The following PDE4D variants were observed in gnomAD, a reference collection of about 807,000 sequenced individuals.
PDE4D encodes the protein phosphodiesterase 4D.
Under a neutral mutation model 87.4 loss-of-function variants are expected in PDE4D, and 24 were observed. The ratio of observed to expected loss-of-function variants is 0.27; its 90% confidence interval spans 0.20 to 0.39. The LOEUF (loss-of-function observed/expected upper bound fraction) is 0.39. PDE4D is among the 10% of genes least tolerant of loss of function. The pLI, the probability that PDE4D is intolerant of heterozygous loss-of-function variation, is 1.00. For synonymous variants in PDE4D, 384 were observed against 383.2 expected, an observed-to-expected ratio of 1.00 and a Z score of -0.02; for missense variants, 714 against 1,041.0, an observed-to-expected ratio of 0.69 and a Z score of 4.32.
intron 1 of PDE4D, among the ~76,000 whole-genome samples, chr5:59,354,709 T>C (rs1173103920): frequency 6.6e-6 from 1 of 152,196 alleles, no homozygotes; most frequent in South Asian, 2.1e-4. Flanking sequence ...CCCTAACCCT[T>C]CCACTCAATT....
At chr5:59,295,535 T>C (rs933395798) in intron 1 of PDE4D, among the ~76,000 whole-genome samples, 5 of 152,164 alleles carry the variant, frequency 3.3e-5, no homozygotes, top group African/African-American at 7.2e-5. Context: ...TTGCCTCTGC[T>C]AGCCTGCCTA....
intron 1 of PDE4D, among the ~76,000 whole-genome samples, chr5:59,496,752 C>T (rs1053645215): frequency 6.6e-6 from 1 of 152,154 alleles, no homozygotes; most frequent in African/African-American, 2.4e-5. Flanking sequence ...AAGGGGTCAT[C>T]GCTCACCTCT....
At chr5:59,994,366 G>A (rs1763320116) in intron 2 of PDE4D, among the ~76,000 whole-genome samples, 1 of 151,160 alleles carries the variant, frequency 6.6e-6, no homozygotes, top group Non-Finnish European at 1.5e-5. Flanking sequence ...ACATACATAT[G>A]TAAACATGTA....
intron 1 of PDE4D, among the ~76,000 whole-genome samples, chr5:60,509,725 T>A (rs748430450): frequency 2.6e-5 from 4 of 152,196 alleles, no homozygotes; most frequent in African/African-American, 4.8e-5. Flanking sequence ...TTTCTTGCAG[T>A]CTTCTTTCAT....
chr5:60,205,681 T>A (rs1742428447), intron 1 of PDE4D, among the ~76,000 whole-genome samples: 1 of 151,652 alleles, frequency 6.6e-6, no homozygotes, highest in South Asian at 2.1e-4. Context: ...AGGTCATGAG[T>A]TTGAGACCAA....
intron 3 of PDE4D, among the ~76,000 whole-genome samples, chr5:59,188,923 A>G (rs1219275918): frequency 6.6e-6 from 1 of 152,192 alleles, no homozygotes; most frequent in Non-Finnish European, 1.5e-5. Context: ...ATTTAAATTA[A>G]TTAAGGCTAA....
chr5:59,366,150 CT>C (rs1783023464), intron 1 of PDE4D, among the ~76,000 whole-genome samples: 1 of 151,796 alleles, frequency 6.6e-6, no homozygotes, highest in African/African-American at 2.4e-5. Flanking sequence ...TAAGAAACTG[CT>C]TCTTAACAGG....
intron 3 of PDE4D, among the ~76,000 whole-genome samples, chr5:59,950,381 G>A (rs1032002405): frequency 6.6e-6 from 1 of 151,942 alleles, no homozygotes; most frequent in Non-Finnish European, 1.5e-5. Context: ...CATATTAATA[G>A]AATTTATATT....
At chr5:59,014,067 G>A (rs1177219331) in intron 6 of PDE4D, among the ~76,000 whole-genome samples, 1 of 152,194 alleles carries the variant, frequency 6.6e-6, no homozygotes, top group African/African-American at 2.4e-5. Context: ...CTCAATAGAT[G>A]CAGAAAAGGC....
At chr5:59,061,906 C>T (rs1763181474) in intron 5 of PDE4D, among the ~76,000 whole-genome samples, 1 of 151,916 alleles carries the variant, frequency 6.6e-6, no homozygotes, top group African/African-American at 2.4e-5. Flanking sequence ...TGAGTAGAGA[C>T]CTACCACCGA....
chr5:60,360,247 A>T (rs1034209076), intron 1 of PDE4D, among the ~76,000 whole-genome samples: 8 of 152,216 alleles, frequency 5.3e-5, no homozygotes, highest in African/African-American at 1.9e-4. Context: ...CTCATATTAC[A>T]TTCTTTCTCA....
intron 1 of PDE4D, among the ~76,000 whole-genome samples, chr5:59,715,802 T>G (rs1754928338): frequency 6.6e-6 from 1 of 152,208 alleles, no homozygotes; most frequent in Admixed American, 6.5e-5. Context: ...CCTGGCTTAA[T>G]GCATAAAGTA....
At chr5:59,247,790 A>G (rs1759144059) in intron 1 of PDE4D, among the ~76,000 whole-genome samples, 2 of 151,938 alleles carry the variant, frequency 1.3e-5, no homozygotes, top group Admixed American at 1.3e-4. Context: ...CAGATTCAGG[A>G]GCCCAGCACC....
At chr5:59,214,464 T>G (rs547018443) in intron 2 of PDE4D, among the ~76,000 whole-genome samples, 2 of 152,136 alleles carry the variant, frequency 1.3e-5, no homozygotes, top group Non-Finnish European at 2.9e-5. Context: ...ATCTTTCCCT[T>G]GGGTGGAAAA....
chr5:60,240,398 A>G (rs968365534), intron 1 of PDE4D, among the ~76,000 whole-genome samples: 2 of 152,084 alleles, frequency 1.3e-5, no homozygotes, highest in African/African-American at 4.8e-5. Context: ...CCCCAGTTCC[A>G]AGGCTTGACT....
At chr5:60,267,615 C>A (rs547427680) in intron 1 of PDE4D, among the ~76,000 whole-genome samples, 1 of 152,146 alleles carries the variant, frequency 6.6e-6, no homozygotes, top group Non-Finnish European at 1.5e-5. Context: ...TATGAAAGCA[C>A]CTTGGCCAGT....
intron 1 of PDE4D, among the ~76,000 whole-genome samples, chr5:60,410,963 C>A (rs1225462510): frequency 6.6e-6 from 1 of 152,134 alleles, no homozygotes; most frequent in African/African-American, 2.4e-5. Context: ...GTACCATTAC[C>A]CCATTTTACG....
In PDE4D at chr5:59,116,031, T is replaced by C. The variant is rs77117645; in HGVS notation, c.808+64564A>G. On this transcript the variant is annotated intron_variant, in intron 5 of 14. Coordinates refer to ENST00000340635, the MANE Select transcript of PDE4D (RefSeq NM_001104631.2). ...AAAACACATTTCTTATCTCAGTCGA[T>C]GAATTAGCGTTTGCTGTAGTCCTAA... is the stretch of plus-strand genomic sequence containing the variant. Among the ~76,000 whole-genome samples, 925 of 152,306 alleles carry C rather than the reference T, an allele frequency of 6.1e-3. 6 individuals carry two copies. Among genetic ancestry groups the C allele is most frequent in the Non-Finnish European group, 9.7e-3 (660 of 68,030 alleles).
rs541251995 is a variant in PDE4D, at chr5:59,701,799, T to C, written c.455+191369A>G. On this transcript the variant is annotated intron_variant, in intron 1 of 14. Coordinates refer to ENST00000340635, the MANE Select transcript of PDE4D (RefSeq NM_001104631.2). ...TCAAAGCTTTAGTACAGTTCACACA[T>C]GCTATGTGTTCTTGGATCCCTTGTG... 5.8e-4 allele frequency among the ~76,000 whole-genome samples: 89 copies of C among 152,348 alleles called. 2 individuals carry two copies. The South Asian group carries it at 0.018, about 30-fold the overall frequency.
Sources: gnomAD v4.1 joint callset for allele counts (sites outside exome capture counted in the v4.1 genomes callset) on GRCh38, gnomAD v4.1.1 for gene constraint, MANE v1.5 for transcripts, NCBI Gene and HGNC (gene_info 2026-07-23, HGNC 2026-07-21) for gene names.